The following GLI3 variants were observed in gnomAD, a reference collection of about 807,000 sequenced individuals.
The protein encoded by GLI3 is GLI family zinc finger 3.
Under a neutral mutation model 100.8 loss-of-function variants are expected in GLI3, and 20 were observed. The observed-to-expected ratio is 0.20, with a 90% CI of 0.14 to 0.29. GLI3 has a LOEUF of 0.29. Among genes scored for constraint, GLI3 ranks in the 10% least tolerant of loss-of-function variants. GLI3 has a pLI of 1.00. For missense variants in GLI3, 2,040 were observed against 2,128.5 expected, an observed-to-expected ratio of 0.96 and a Z score of 0.82; for synonymous variants, 938 against 860.5, an observed-to-expected ratio of 1.09 and a Z score of -1.58.
intron 8 of GLI3, 115 bp from the exon 9 acceptor site, chr7:42,025,492 T>C: frequency 1.3e-6 from 1 of 754,642 alleles, no homozygotes; most frequent in Non-Finnish European, 2.4e-6. Context: ...TATAAAGCAA[T>C]GACTCTGATA....
chr7:42,099,621 G>A (rs1053338736), intron 3 of GLI3, among the ~76,000 whole-genome samples: 3 of 152,076 alleles, frequency 2.0e-5, no homozygotes, highest in Non-Finnish European at 4.4e-5. Context: ...ACAGCTCACT[G>A]CAGCTGCGAC....
chr7:42,015,577 T>C (rs373786901), intron 10 of GLI3, among the ~76,000 whole-genome samples: 5 of 152,170 alleles, frequency 3.3e-5, no homozygotes, highest in East Asian at 1.9e-4. Flanking sequence ...ATCTCAGAAG[T>C]TGGAGTCTGT....
intron 10 of GLI3, among the ~76,000 whole-genome samples, chr7:41,990,865 A>AGTGTGTGTGTGTGTGTGTGT (rs57245025): frequency 2.1e-5 from 3 of 142,750 alleles, no homozygotes; most frequent in African/African-American, 7.7e-5. Context: ...GATTAAGGCA[A>AGTGTGTGTGTGTGTGTGTGT]GTGTGTGTGT....
chr7:42,045,930 T>C (rs1293004368), intron 5 of GLI3, among the ~76,000 whole-genome samples: 1 of 152,206 alleles, frequency 6.6e-6, no homozygotes, highest in Non-Finnish European at 1.5e-5. Flanking sequence ...CCAGACATAC[T>C]TAAAATACTT....
chr7:42,130,706 A>C (rs1402810990), intron 3 of GLI3, among the ~76,000 whole-genome samples: 1 of 152,174 alleles, frequency 6.6e-6, no homozygotes, highest in Non-Finnish European at 1.5e-5. Flanking sequence ...ACAGCAGATA[A>C]AATTATTAAA....
chr7:42,020,717 C>T (rs376555267), intron 10 of GLI3, among the ~76,000 whole-genome samples: 1 of 151,942 alleles, frequency 6.6e-6, no homozygotes. Context: ...GGTGAAACCC[C>T]GTCTCTACTA....
At chr7:42,060,925 G>A (rs1187628339) in intron 4 of GLI3, among the ~76,000 whole-genome samples, 2 of 152,124 alleles carry the variant, frequency 1.3e-5, no homozygotes, top group Admixed American at 1.3e-4. Context: ...CAAGTGTAAG[G>A]GAAAATGACT....
chr7:42,049,542 A>G (rs867251670), intron 4 of GLI3, among the ~76,000 whole-genome samples: 26 of 152,350 alleles, frequency 1.7e-4, no homozygotes, highest in African/African-American at 6.0e-4. Context: ...TGCGTCGGTT[A>G]TAATGAGCTA....
In GLI3 at chr7:42,223,309, C is replaced by T. The variant is rs78976053; in HGVS notation, c.-42-14G>A. 2.4e-5 allele frequency: 36 copies of T among 1,503,944 alleles called. 2 individuals carry two copies. The African/African-American group carries it at 4.5e-4, about 19-fold the overall frequency. 93.2% of individuals were successfully genotyped at this position (1,503,944 alleles called of 1,614,324 possible). On this transcript the variant is annotated splice_polypyrimidine_tract_variant and intron_variant, in intron 1 of 14. Coordinates refer to ENST00000395925, the MANE Select transcript of GLI3 (RefSeq NM_000168.6). ...ACCAAAAATGCCCTAAAGAAAACAA[C>T]AGAGCCATCAACTTTCCAAAATGGT...
chr7:42,025,434 T>A, intron 8 of GLI3, 57 bp from the exon 9 acceptor site: 1 of 1,289,024 alleles, frequency 7.8e-7, no homozygotes, highest in Non-Finnish European at 1.1e-6. Context: ...CAAGGAGCAG[T>A]ACCATAATTA....
intron 13 of GLI3, among the ~76,000 whole-genome samples, chr7:41,970,779 C>T (rs1787342678): frequency 6.6e-6 from 1 of 152,134 alleles, no homozygotes; most frequent in South Asian, 2.1e-4. Context: ...TCATCGGTTT[C>T]ATGACATAAT....
At chr7:42,192,097 C>T (rs1293597266) in intron 2 of GLI3, among the ~76,000 whole-genome samples, 1 of 151,892 alleles carries the variant, frequency 6.6e-6, no homozygotes, top group Non-Finnish European at 1.5e-5. Flanking sequence ...GAAAATTGTA[C>T]CTTATAAAAA....
chr7:42,114,258 C>T (rs1204236936), intron 3 of GLI3, among the ~76,000 whole-genome samples: 1 of 152,186 alleles, frequency 6.6e-6, no homozygotes, highest in Non-Finnish European at 1.5e-5. Flanking sequence ...TTACCCTGTT[C>T]AGAGCATCAG....
intron 10 of GLI3, among the ~76,000 whole-genome samples, chr7:42,013,925 A>G (rs1788688328): frequency 6.6e-6 from 1 of 152,208 alleles, no homozygotes; most frequent in African/African-American, 2.4e-5. Context: ...GTCTCCTCCC[A>G]GCACTCAGCC....
At chr7:42,023,375 A>G in intron 10 of GLI3, 93 bp downstream of exon 10, 1 of 1,359,904 alleles carries the variant, frequency 7.4e-7, no homozygotes, top group Non-Finnish European at 1.1e-6. Flanking sequence ...GCGGCTCCTA[A>G]GAAACTTGAC....
In GLI3 at chr7:42,046,981, C is replaced by T. The variant is rs200744623; in HGVS notation, c.680-1451G>A. On this transcript the variant is annotated intron_variant, in intron 5 of 14. Coordinates refer to ENST00000395925, the MANE Select transcript of GLI3 (RefSeq NM_000168.6). Reference sequence around the variant, plus strand: ...GACCAGCATGGGCAACATGGCGAAACGCTGTCTCTACAAAAAATATAAAAA... The same window carrying T: ...GACCAGCATGGGCAACATGGCGAAATGCTGTCTCTACAAAAAATATAAAAA... Among the ~76,000 whole-genome samples, 88 of 152,132 alleles carry T rather than the reference C, an allele frequency of 5.8e-4. 1 individual carries two copies. The East Asian group carries it at 9.9e-3, about 17-fold the overall frequency.
At chr7:42,238,868 C>T (rs1788891111), upstream of GLI3, among the ~76,000 whole-genome samples, 1 of 152,216 alleles carries the variant, frequency 6.6e-6, no homozygotes, top group South Asian at 2.1e-4. Flanking sequence ...CCCGGAGCTC[C>T]GGGTTGCTTG....
At chr7:42,228,131 G>A (rs1183532147) in intron 1 of GLI3, among the ~76,000 whole-genome samples, 2 of 152,022 alleles carry the variant, frequency 1.3e-5, no homozygotes, top group East Asian at 2.0e-4. Flanking sequence ...GCGCAGCGCT[G>A]TCTGCAGCCG....
intron 1 of GLI3, among the ~76,000 whole-genome samples, chr7:42,223,894 T>C (rs1583660347): frequency 1.3e-5 from 2 of 152,248 alleles, no homozygotes; most frequent in South Asian, 4.1e-4. Context: ...CTATACTCTT[T>C]AACCTCTTTA....
Sources: allele counts gnomAD v4.1 joint callset (sites outside exome capture counted in the v4.1 genomes callset), GRCh38; gene constraint gnomAD v4.1.1; transcripts MANE v1.5; gene names NCBI Gene and HGNC (gene_info 2026-07-23, HGNC 2026-07-21).